The following IPPK variants were observed in gnomAD, a reference collection of about 807,000 sequenced individuals.
IPPK encodes the protein IPK1 homolog.
IPPK carries 22 observed loss-of-function variants against 64.6 expected under a neutral mutation model. The ratio of observed to expected loss-of-function variants is 0.34; its 90% CI spans 0.24 to 0.49. IPPK has a LOEUF of 0.49. IPPK is among the 20% of genes least tolerant of loss of function. The pLI, the probability that IPPK is intolerant of heterozygous loss-of-function variation, is 0.99. For synonymous variants in IPPK, 262 were observed against 247.2 expected (o/e 1.06, Z -0.56); for missense variants, 532 against 630.7 (o/e 0.84, Z 1.68).
chr9:92,633,926 G>A (rs995939983), intron 11 of IPPK, among the ~76,000 whole-genome samples: 1 of 152,212 alleles, frequency 6.6e-6, no homozygotes, highest in Admixed American at 6.5e-5. Context: ...GGAAGTACAG[G>A]GCCAGTCCTC....
chr9:92,627,749 C>T lies in IPPK; in HGVS notation c.1170+6637G>A, dbSNP rs147270826. On this transcript the variant is annotated intron_variant, in intron 11 of 12. Transcript: ENST00000287996. ...AAAAAACAACTAACATCATACATGA[C>T]GATGAAAGACTGAACACTGTCCCCA... is the stretch of plus-strand genomic sequence containing the variant. 7.9e-5 allele frequency among the ~76,000 whole-genome samples: 12 copies of T among 152,284 alleles called. No homozygotes were observed. The East Asian group carries it at 9.6e-4, about 12-fold the overall frequency.
chr9:92,643,662 A>G (rs1852095270), intron 6 of IPPK, among the ~76,000 whole-genome samples: 1 of 152,204 alleles, frequency 6.6e-6, no homozygotes, highest in Non-Finnish European at 1.5e-5. Flanking sequence ...AGCCCTAAAG[A>G]ATATATCACA....
chr9:92,645,833 T>C (rs1214727005), intron 6 of IPPK, among the ~76,000 whole-genome samples: 1 of 152,036 alleles, frequency 6.6e-6, no homozygotes, highest in Non-Finnish European at 1.5e-5. Context: ...AATTCATTGC[T>C]AGAAAACCTA....
At chr9:92,666,215 G>A (rs1045847593) in intron 1 of IPPK, among the ~76,000 whole-genome samples, 1 of 152,214 alleles carries the variant, frequency 6.6e-6, no homozygotes, top group African/African-American at 2.4e-5. Context: ...CCCCAAGGCT[G>A]AGGTGGTCCG....
chr9:92,654,741 G>A lies in IPPK; in HGVS notation c.225+1715C>T, dbSNP rs79473381. ...GTAACCTGGGAGCTGAGATGTGGGA[G>A]GACCTCCAGGCATCACCCTCTAAAT... is the stretch of plus-strand genomic sequence containing the variant. On this transcript the variant is annotated intron_variant, in intron 3 of 12. Transcript: ENST00000287996. 7.4e-3 allele frequency among the ~76,000 whole-genome samples: 1,134 copies of A among 152,306 alleles called. 11 individuals are homozygous for A. The highest frequency in any genetic ancestry group is 0.023 in the African/African-American group (962 of 41,562).
At chr9:92,656,586 G>T in intron 2 of IPPK, 35 bp from the exon 3 acceptor site, 1 of 1,385,874 alleles carries the variant, frequency 7.2e-7, no homozygotes, top group Non-Finnish European at 1.0e-6. Flanking sequence ...CCTTCGTGAT[G>T]GGACCTCCCA....
intron 7 of IPPK, among the ~76,000 whole-genome samples, chr9:92,642,353 G>A (rs1316653039): frequency 3.3e-5 from 5 of 152,380 alleles, no homozygotes; most frequent in Middle Eastern, 6.8e-3. Flanking sequence ...AGACCTTGCC[G>A]GGGCAGAAAT....
chr9:92,626,987 A>G (rs145396123), intron 11 of IPPK, among the ~76,000 whole-genome samples: 1 of 152,164 alleles, frequency 6.6e-6, no homozygotes, highest in Non-Finnish European at 1.5e-5. Context: ...AACTGTGGAC[A>G]AAATATGAAT....
intron 5 of IPPK, among the ~76,000 whole-genome samples, chr9:92,649,155 C>T (rs1229229387): frequency 6.6e-6 from 1 of 152,216 alleles, no homozygotes; most frequent in Non-Finnish European, 1.5e-5. Flanking sequence ...GGACCCAACG[C>T]GCTTCCCTCT....
rs967809923 is a variant in IPPK at position 92,641,611 on chromosome 9, C to T, written c.564-829G>A. Among the ~76,000 whole-genome samples the T allele has an allele frequency of 4.6e-5, 7 of 152,226 alleles. No individual in the cohort carries two copies. In the East Asian group the frequency reaches 9.6e-4, roughly 21 times the overall value. ...AGACTCGCTGAAGCCATGGAGTGAG[C>T]GGTGTTGGTGCCACCTTCTGAATGA... On this transcript the variant is annotated intron_variant, in intron 7 of 12. Transcript: ENST00000287996.
chr9:92,649,398 T>TA (rs1199643353), intron 5 of IPPK, 55 bp downstream of exon 5: 3 of 1,603,180 alleles, frequency 1.9e-6, no homozygotes, highest in Non-Finnish European at 2.6e-6. Context: ...TTGGACTTAC[T>TA]ACCCAAGACT....
intron 3 of IPPK, among the ~76,000 whole-genome samples, chr9:92,653,969 T>C (rs1040514870): frequency 1.3e-5 from 2 of 152,242 alleles, no homozygotes; most frequent in African/African-American, 4.8e-5. Context: ...ATGCCTCGCG[T>C]GTGAGAACCA....
intron 11 of IPPK, among the ~76,000 whole-genome samples, chr9:92,631,134 T>C (rs1851834728): frequency 1.3e-5 from 2 of 151,596 alleles, no homozygotes. Context: ...GGGGCTTCAG[T>C]CTCCTGAGCA....
intron 12 of IPPK, chr9:92,616,727 G>A (rs1457215185): frequency 6.6e-6 from 1 of 152,290 alleles, no homozygotes; most frequent in Admixed American, 6.5e-5. Flanking sequence ...TTAATTATTT[G>A]CCCTGAAAAA....
intron 1 of IPPK, among the ~76,000 whole-genome samples, chr9:92,667,016 C>T (rs145199934): frequency 6.4e-4 from 98 of 152,296 alleles, no homozygotes; most frequent in African/African-American, 2.1e-3. Flanking sequence ...TTACCTAGGC[C>T]CTCGGCTCCT....
chr9:92,664,691 A>C (rs1273984217), intron 1 of IPPK, among the ~76,000 whole-genome samples: 4 of 152,338 alleles, frequency 2.6e-5, no homozygotes, highest in Admixed American at 2.6e-4. Flanking sequence ...GCCACAGGGA[A>C]CTGTGAGCAA....
rs34574363 is a variant in IPPK at position 92,624,905 on chromosome 9, T to TA, written c.1171-5341dup. On this transcript the variant is annotated intron_variant, in intron 11 of 12. Coordinates refer to ENST00000287996, the MANE Select transcript of IPPK (RefSeq NM_022755.6). ...GAATCTCATAAATATTACACAGAGC[T>TA]AAAAAAAAAAAACAAACAGGAGACA... is the stretch of plus-strand genomic sequence containing the variant. Among the ~76,000 whole-genome samples the TA allele has an allele frequency of 7.4e-3, 1,028 of 138,892 alleles. 6 individuals are homozygous for TA. The highest frequency in any genetic ancestry group is 0.019 in the African/African-American group (694 of 37,354). The allele number at this position is 138,892 out of a possible 152,430, so 91.1% of individuals were successfully genotyped here.
intron 11 of IPPK, among the ~76,000 whole-genome samples, chr9:92,628,447 C>G (rs1851773651): frequency 6.6e-6 from 1 of 152,260 alleles, no homozygotes; most frequent in African/African-American, 2.4e-5. Context: ...GTACTCAAGA[C>G]AGGGTACTGG....
rs111887423 is a variant in IPPK, at chr9:92,635,715, CTT to C, written c.917-409_917-408del. ...TCACAAAATTTCTTCTTTTTCTTTT[CTT>C]TTTTTTTTTTGAGACAGAGTCTTGC... On this transcript the variant is annotated intron_variant, in intron 9 of 12. Coordinates refer to ENST00000287996, the MANE Select transcript of IPPK (RefSeq NM_022755.6). This position sits in a 1 kb window ranked among gnomAD's most constrained non-coding sequence, Gnocchi z 4.4. Among the ~76,000 whole-genome samples, 2 of 145,650 alleles carry C rather than the reference CTT, an allele frequency of 1.4e-5. No homozygotes were observed. The highest frequency in any genetic ancestry group is 6.9e-5 in the Admixed American group (1 of 14,522).
Sources: allele counts gnomAD v4.1 joint callset (sites outside exome capture counted in the v4.1 genomes callset), GRCh38; gene constraint gnomAD v4.1.1; non-coding constraint Gnocchi (gnomAD v3.1); transcripts MANE v1.5; gene names NCBI Gene and HGNC (gene_info 2026-07-23, HGNC 2026-07-21).